The following TONSL variants were observed in gnomAD, a reference collection of about 807,000 sequenced individuals.
The protein encoded by TONSL is tonsoku like, DNA repair protein.
Under a neutral mutation model 147.1 loss-of-function variants are expected in TONSL, and 112 were observed. The observed-to-expected ratio is 0.76, with a 90% CI of 0.65 to 0.89. The LOEUF (loss-of-function observed/expected upper bound fraction) is 0.89, where lower values mean the gene tolerates loss of function less well. Ranked by LOEUF, TONSL falls within the 40% of genes least tolerant of loss-of-function variation. TONSL has a pLI of 0.00. For missense variants in TONSL, 1,883 were observed against 1,864.6 expected, an observed-to-expected ratio of 1.01 and a Z score of -0.18; for synonymous variants, 868 against 801.5, an observed-to-expected ratio of 1.08 and a Z score of -1.40.
chr8:144,442,346 C>G lies in TONSL; in HGVS notation c.645G>C (p.Ala215=). 1 of 1,591,250 alleles carries G rather than the reference C, an allele frequency of 6.3e-7. No individual in the cohort carries two copies. The highest frequency in any genetic ancestry group is 8.6e-7 in the Non-Finnish European group (1 of 1,164,722). ...AGCGCATAGCCTGGGAGTGCTGGCC[C>G]GCGCGCCAGTGGATGGTGCCCAGGT... is the stretch of plus-strand genomic sequence containing the variant. ...RYNLGTIHWR[A]GQHSQAMRCL... The change falls in exon 6 of 26, where the codon GCG becomes GCC. Residue 215 remains alanine, a synonymous_variant. Coordinates refer to ENST00000409379, the MANE Select transcript of TONSL (RefSeq NM_013432.5).
At chr8:144,432,021 T>C (rs1823221606) in intron 23 of TONSL, among the ~76,000 whole-genome samples, 1 of 151,754 alleles carries the variant, frequency 6.6e-6, no homozygotes. Flanking sequence ...AGAGACAAGG[T>C]TTCACCATGT....
chr8:144,432,731 C>T (rs114170299), intron 22 of TONSL: 24 of 369,108 alleles, frequency 6.5e-5, no homozygotes, highest in African/African-American at 1.5e-4. Flanking sequence ...TGCCTCTGCA[C>T]AGTGGGGGTG....
rs563116691 is a variant in TONSL, at chr8:144,442,753, G to C, written c.502C>G (p.Leu168Val). The C allele has an allele frequency of 2.5e-6, 4 of 1,613,152 alleles. No individual in the cohort carries two copies. Among genetic ancestry groups the C allele is most frequent in the South Asian group, 1.1e-5 (1 of 91,084 alleles). The change falls in exon 5 of 26, where the codon CTG becomes GTG. Residue 168 changes from leucine to valine, a missense_variant. Coordinates refer to ENST00000409379, the MANE Select transcript of TONSL (RefSeq NM_013432.5). ...NEMRTRLYLNLGLTFESLQQT... is the reference protein window; with the variant it reads ...NEMRTRLYLNVGLTFESLQQT... ...TGCAGGCTCTCAAAGGTGAGGCCCA[G>C]GTTGAGATAGAGGCGGGTCCTCATC...
chr8:144,435,487 G>A lies in TONSL; in HGVS notation c.2839C>T (p.Pro947Ser). 1 of 1,548,466 alleles carries A rather than the reference G, an allele frequency of 6.5e-7. No homozygotes were observed. Among genetic ancestry groups the A allele is most frequent in the Non-Finnish European group, 8.7e-7 (1 of 1,145,506 alleles). ...VQVQDHLFLI[P>S]VPHSSDTHSV... ...GCGATGCCTCACCTGTGTGGGACAG[G>A]GATGAGGAAGAGATGATCCTGAACT... The change falls in exon 18 of 26, where the codon CCT (proline) becomes TCT (serine). Residue 947 changes from proline (P) to serine (S), a missense_variant. Transcript: ENST00000409379.
chr8:144,435,999 G>T lies in TONSL; in HGVS notation c.2434C>A (p.Arg812=), dbSNP rs115515600. 6 of 1,551,782 alleles carry T rather than the reference G, an allele frequency of 3.9e-6. No individual in the cohort carries two copies. Among genetic ancestry groups the T allele is most frequent in the African/African-American group, 1.4e-5 (1 of 73,838 alleles). The change falls in exon 17 of 26, where the codon CGG becomes AGG. Residue 812 remains arginine, a synonymous_variant. Transcript: ENST00000409379. ...GGGGCAAGGGCTTTGCTGTGGCCCC[G>T]CGGTGGGCCAGGCCCCAGCCGGCTC... ...AQSRLGPGPP[R]GHSKALAPQA...
chr8:144,438,752 C>T lies in TONSL; in HGVS notation c.1481-17G>A, dbSNP rs1823579582. ...TGTCGTCCTCTGGAACAGAGCCAAGCCCACCCCAGGGGAGTCCGTGGGAGG... is the reference window on the plus strand; with the variant it reads ...TGTCGTCCTCTGGAACAGAGCCAAGTCCACCCCAGGGGAGTCCGTGGGAGG... On this transcript the variant is annotated splice_polypyrimidine_tract_variant and intron_variant, in intron 11 of 25. Coordinates refer to ENST00000409379, the MANE Select transcript of TONSL (RefSeq NM_013432.5). 1.2e-6 allele frequency: 2 copies of T among 1,612,014 alleles called. No individual in the cohort carries two copies. Among genetic ancestry groups the T allele is most frequent in the African/African-American group, 2.7e-5 (2 of 74,884 alleles).
At position 144,435,068 on chromosome 8, in the gene TONSL, G is replaced by A; in HGVS notation, c.2955C>T (p.Ala985=). Residue 985 remains alanine (A), a synonymous_variant, in exon 19 of 26, where the codon GCC becomes GCT. Coordinates refer to ENST00000409379, the MANE Select transcript of TONSL (RefSeq NM_013432.5). The part of the protein sequence containing the change: ...LPRLTLRKEG[A]LLAPQDLIPD... Reference sequence around the variant, plus strand: ...GGATGAGGTCCTGTGGGGCCAGCAGGGCCCCCTCTTTCCGTAGGGTGAGCC... The same window carrying A: ...GGATGAGGTCCTGTGGGGCCAGCAGAGCCCCCTCTTTCCGTAGGGTGAGCC... 6.2e-7 allele frequency: 1 copy of A among 1,611,266 alleles called. No homozygotes were observed. Among genetic ancestry groups the A allele is most frequent in the Non-Finnish European group, 8.5e-7 (1 of 1,179,176 alleles).
chr8:144,429,071 G>A lies in TONSL; in HGVS notation c.*72C>T. The A allele has an allele frequency of 4.2e-6, 6 of 1,437,492 alleles. No individual in the cohort carries two copies. Among genetic ancestry groups the A allele is most frequent in the Admixed American group, 2.6e-5 (1 of 38,564 alleles). The allele number at this position is 1,437,492 out of a possible 1,614,324, so 89.0% of individuals were successfully genotyped here. ...CCCAAAGTGTTGGGATTACAGGCGT[G>A]AGCCACCGCGCCCGGCCAGCAGCTT... is the stretch of plus-strand genomic sequence containing the variant. On this transcript the variant is annotated 3_prime_UTR_variant, in exon 26 of 26. Transcript: ENST00000409379.
rs782133954 is a variant in TONSL at position 144,433,672 on chromosome 8, G to T, written c.3475C>A (p.Leu1159Ile). Residue 1159 changes from leucine (L) to isoleucine (I), a missense_variant, in exon 22 of 26, where the codon CTC becomes ATC. Physicochemically the swap from Leu to Ile is conservative, Grantham distance 5. Coordinates refer to ENST00000409379, the MANE Select transcript of TONSL (RefSeq NM_013432.5). ...LASLLHACPL[L>I]STLRLQACGF... ...CACGCCTGCAGGCGCAGGGTGCTGA[G>T]TAAGGGGCAGGCGTGCAGGAGGGAG... is the stretch of plus-strand genomic sequence containing the variant. 6.2e-7 allele frequency: 1 copy of T among 1,613,142 alleles called. No homozygotes were observed. Among genetic ancestry groups the T allele is most frequent in the South Asian group, 1.1e-5 (1 of 91,066 alleles).
chr8:144,435,296 C>T (rs1039745834), intron 18 of TONSL, 126 bp from the exon 19 acceptor site: 22 of 1,328,262 alleles, frequency 1.7e-5, no homozygotes, highest in South Asian at 3.1e-5. Context: ...GTAGCCGGCC[C>T]CTCCTCTCCC....
At chr8:144,434,617 A>G (rs1021903498) in intron 20 of TONSL, among the ~76,000 whole-genome samples, 194 bp downstream of exon 20, 1 of 152,152 alleles carries the variant, frequency 6.6e-6, no homozygotes, top group African/African-American at 2.4e-5. Context: ...TCTCCCTGTC[A>G]GCAGATCATG....
rs191455363 is a variant in TONSL, at chr8:144,432,515, C to T, written c.3560-55G>A. 9,895 of 1,453,962 alleles carry T rather than the reference C, an allele frequency of 6.8e-3. 34 individuals are homozygous for T. Among genetic ancestry groups the T allele is most frequent in the Non-Finnish European group, 8.0e-3 (8,769 of 1,100,020 alleles). The allele number at this position is 1,453,962 out of a possible 1,614,324, so 90.1% of individuals were successfully genotyped here. A position where few individuals can be genotyped will look rare whatever the true frequency, so the allele number is the denominator to read the frequency against. On this transcript the variant is annotated intron_variant, in intron 22 of 25. Coordinates refer to ENST00000409379, the MANE Select transcript of TONSL (RefSeq NM_013432.5). ...ACGTGGCCACAGCCCTGTACCCACC[C>T]CAAGTTCTGGGCCCAGAACCCTCAG...
chr8:144,431,661 C>T (rs1232725336), intron 23 of TONSL, among the ~76,000 whole-genome samples: 3 of 151,848 alleles, frequency 2.0e-5, no homozygotes, highest in East Asian at 1.9e-4. Context: ...TCCAGGAGCC[C>T]GTCACCACGC....
chr8:144,429,172 C>G lies in TONSL; in HGVS notation c.4108G>C (p.Gly1370Arg). The G allele has an allele frequency of 6.5e-7, 1 of 1,533,116 alleles. No homozygotes were observed. The highest frequency in any genetic ancestry group is 2.5e-5 in the East Asian group (1 of 40,438). 95.0% of individuals were successfully genotyped at this position (1,533,116 alleles called of 1,614,324 possible). A position where few individuals can be genotyped will look rare whatever the true frequency, so the allele number is the denominator to read the frequency against. ...AGGCGCCGAAAGAAGAGCTTGGAGC[C>G]GTGGTCCAGCGTGCACTCGCCGGGG... ...PGPGECTLDH[G>R]SKLFFRRL is the part of the protein sequence containing the mutation. Residue 1370 changes from glycine (G) to arginine (R), a missense_variant, in exon 26 of 26, where the codon GGC (glycine) becomes CGC (arginine). Physicochemically the swap from Gly to Arg is moderately radical, Grantham distance 125 (BLOSUM62 -2). Transcript: ENST00000409379.
At position 144,443,338 on chromosome 8, in the gene TONSL, G is replaced by A. The variant is rs1823789983; in HGVS notation, c.265-17C>T. On this transcript the variant is annotated splice_polypyrimidine_tract_variant and intron_variant, in intron 3 of 25. Transcript: ENST00000409379. ...GTGCTGGTGCTGAGTGTGGAAGGAA[G>A]TCACTGCTGTGAGCCGACTCCGCCT... The A allele has an allele frequency of 1.9e-6, 3 of 1,542,748 alleles. No individual in the cohort carries two copies. The highest frequency in any genetic ancestry group is 4.9e-5 in the East Asian group (2 of 40,670).
At chr8:144,438,225 C>A in intron 13 of TONSL, 2 of 565,764 alleles carry the variant, frequency 3.5e-6, no homozygotes, top group South Asian at 2.2e-5. Flanking sequence ...TTTTTTGAAA[C>A]AGGGTCTCAC....
intron 13 of TONSL, 109 bp downstream of exon 13, chr8:144,438,362 C>T (rs988556835): frequency 8.1e-7 from 1 of 1,229,444 alleles, no homozygotes; most frequent in Non-Finnish European, 1.1e-6. Flanking sequence ...GCTAAGGGGC[C>T]CCATTTTGAA....
In TONSL at chr8:144,430,399, C is replaced by T; in HGVS notation, c.3943+5G>A. 1 of 1,601,272 alleles carries T rather than the reference C, an allele frequency of 6.2e-7. No individual in the cohort carries two copies. Among genetic ancestry groups the T allele is most frequent in the Non-Finnish European group, 8.5e-7 (1 of 1,174,346 alleles). ...GGCAGGCGTGGCCACCATACCAGCA[C>T]TCACCTGACAGGCCAAGGAAGCTAA... is the stretch of plus-strand genomic sequence containing the variant. On this transcript the variant is annotated splice_donor_5th_base_variant and intron_variant, in intron 25 of 25. Coordinates refer to ENST00000409379, the MANE Select transcript of TONSL (RefSeq NM_013432.5).
intron 4 of TONSL, 80 bp downstream of exon 4, chr8:144,443,058 A>G: frequency 6.8e-7 from 1 of 1,472,254 alleles, no homozygotes; most frequent in Non-Finnish European, 9.1e-7. Context: ...GGGATTGCCC[A>G]AGGAGGCTGC....
Sources: allele counts gnomAD v4.1 joint callset (sites outside exome capture counted in the v4.1 genomes callset), GRCh38; gene constraint gnomAD v4.1.1; transcripts MANE v1.5; gene names NCBI Gene and HGNC (gene_info 2026-07-23, HGNC 2026-07-21).